The following PATL2 variants were observed in gnomAD, a reference collection of about 807,000 sequenced individuals.
PATL2 encodes protein PAT1 homolog 2.
Under a neutral mutation model 77.0 loss-of-function variants are expected in PATL2, and 73 were observed. The observed-to-expected ratio is 0.95, with a 90% confidence interval of 0.78 to 1.15. PATL2 has a LOEUF of 1.15. PATL2 is among the 50% of genes most tolerant of loss of function. PATL2 has a pLI of 0.00. For missense variants in PATL2, 618 were observed against 655.4 expected, an observed-to-expected ratio of 0.94 and a Z score of 0.62; for synonymous variants, 265 against 257.1, an observed-to-expected ratio of 1.03 and a Z score of -0.29.
In PATL2 at chr15:44,670,095, T is replaced by A; in HGVS notation, c.658-8A>T. On this transcript the variant is annotated splice_region_variant and splice_polypyrimidine_tract_variant and intron_variant, in intron 9 of 17. Transcript: ENST00000682850. ...TAGCTTCTGGTAATATTCCTGAGAA[T>A]GCACGGAATAGGAAACAAAAAAACA... is the stretch of plus-strand genomic sequence containing the variant. 1 of 1,551,430 alleles carries A rather than the reference T, an allele frequency of 6.4e-7. No homozygotes were observed. The highest frequency in any genetic ancestry group is 8.7e-7 in the Non-Finnish European group (1 of 1,146,948).
At chr15:44,699,048 G>C (rs1233665119) in intron 3 of PATL2, among the ~76,000 whole-genome samples, 1 of 152,138 alleles carries the variant, frequency 6.6e-6, no homozygotes, top group African/African-American at 2.4e-5. Flanking sequence ...GTCTTCTTTT[G>C]AGAAATGCCT....
Position 44,665,956 on chromosome 15 carries a change from G to A in PATL2, c.1629C>T (p.Tyr543=). The change falls in exon 18 of 18, where the codon TAC becomes TAT. Residue 543 remains tyrosine (Y), a synonymous_variant. Coordinates refer to ENST00000682850, the MANE Select transcript of PATL2 (RefSeq NM_001387263.1). ...LEARMEFAWI[Y] Reference sequence around the variant, plus strand: ...CACGTATTCCAGAACAAACAGATCAGTAAATCCAGGCAAACCTATAAAGAG... The same window carrying A: ...CACGTATTCCAGAACAAACAGATCAATAAATCCAGGCAAACCTATAAAGAG... 6.5e-7 allele frequency: 1 copy of A among 1,544,688 alleles called. No individual in the cohort carries two copies. The highest frequency in any genetic ancestry group is 8.7e-7 in the Non-Finnish European group (1 of 1,145,198).
chr15:44,669,964 T>TA lies in PATL2; in HGVS notation c.778+2dup. 1 of 1,549,266 alleles carries TA rather than the reference T, an allele frequency of 6.5e-7. No individual in the cohort carries two copies. The highest frequency in any genetic ancestry group is 1.7e-4 in the Middle Eastern group (1 of 5,976). ...CAAGTCAGCAGGTCAGCCCTGACCC[T>TA]ACCGGACTCATAAGCCTCTGCCTTC... is the stretch of plus-strand genomic sequence containing the variant. On this transcript the variant is annotated splice_region_variant and intron_variant, in intron 10 of 17. Transcript: ENST00000682850.
chr15:44,702,797 C>T (rs1179500595), intron 3 of PATL2, among the ~76,000 whole-genome samples: 1 of 152,022 alleles, frequency 6.6e-6, no homozygotes, highest in African/African-American at 2.4e-5. Context: ...TGTATGGTTT[C>T]AAACATTCCT....
At chr15:44,696,976 T>G (rs2086517291) in intron 3 of PATL2, among the ~76,000 whole-genome samples, 1 of 152,226 alleles carries the variant, frequency 6.6e-6, no homozygotes, top group Non-Finnish European at 1.5e-5. Context: ...CTGAATTTAA[T>G]AGAATTAACA....
rs8026532 is a variant in PATL2 at position 44,704,846 on chromosome 15, C to T, written c.-76+5250G>A. 8.3e-3 allele frequency among the ~76,000 whole-genome samples: 1,264 copies of T among 152,236 alleles called. 20 individuals carry two copies. The highest frequency in any genetic ancestry group is 0.029 in the African/African-American group (1,205 of 41,532). ...TGTTTGTCTAGGAAAGTCTTTATTT[C>T]TCCTTCATATTTTCAAGGATATTTA... is the stretch of plus-strand genomic sequence containing the variant. On this transcript the variant is annotated intron_variant, in intron 3 of 17. Transcript: ENST00000682850.
rs759465665 is a variant in PATL2 at position 44,674,543 on chromosome 15, G to A, written c.223-313C>T. The A allele has an allele frequency of 4.2e-4, 74 of 175,748 alleles. 1 individual carries two copies. Among genetic ancestry groups the A allele is most frequent in the Non-Finnish European group, 1.4e-4 (12 of 84,180 alleles). 10.9% of individuals were successfully genotyped at this position (175,748 alleles called of 1,614,324 possible). On this transcript the variant is annotated intron_variant, in intron 5 of 17. Transcript: ENST00000682850. ...TAGTGCTTTTTTCTTATATATACAT[G>A]CCTATGATAGTTTATATATATATTT...
At chr15:44,688,636 G>T (rs1341748792) in intron 3 of PATL2, among the ~76,000 whole-genome samples, 2 of 152,202 alleles carry the variant, frequency 1.3e-5, no homozygotes, top group Non-Finnish European at 2.9e-5. Flanking sequence ...AATGAATGGT[G>T]TTGGGAAGAC....
Position 44,710,859 on chromosome 15 carries a change from A to G in PATL2, c.-195+12T>C, listed in dbSNP as rs2141282876. On this transcript the variant is annotated intron_variant, in intron 2 of 17. Transcript: ENST00000682850. Reference sequence around the variant, plus strand: ...CCGCCCCCCGACAAATCAACAGAACAAAGAAAATTACCTAAACAGCAAGGA... The same window carrying G: ...CCGCCCCCCGACAAATCAACAGAACGAAGAAAATTACCTAAACAGCAAGGA... Among the ~76,000 whole-genome samples, 1 of 147,016 alleles carries G rather than the reference A, an allele frequency of 6.8e-6. No homozygotes were observed. The highest frequency in any genetic ancestry group is 1.5e-5 in the Non-Finnish European group (1 of 66,922).
intron 5 of PATL2, 175 bp from the exon 6 acceptor site, chr15:44,674,405 C>T (rs1459474854): frequency 3.4e-5 from 20 of 596,054 alleles, no homozygotes; most frequent in Non-Finnish European, 6.0e-5. Flanking sequence ...GGATCCCTCT[C>T]CCTCTCCTGG....
intron 3 of PATL2, among the ~76,000 whole-genome samples, chr15:44,677,575 C>T (rs942738392): frequency 1.3e-5 from 2 of 152,204 alleles, no homozygotes; most frequent in Admixed American, 6.5e-5. Flanking sequence ...CCTCCCAAGT[C>T]TCATCTAACC....
Position 44,673,367 on chromosome 15 carries a change from T to C in PATL2, c.314A>G (p.Tyr105Cys), listed in dbSNP as rs2085787336. ...SLHFLWQTLD[Y>C]LSPIPFWPTF... ...AGGCCAGAAAGGGATGGGCGACAGG[T>C]AGTCCAAGGTCTGAGAGAGGAATTA... The change falls in exon 7 of 18, where the codon TAC becomes TGC. Residue 105 changes from tyrosine to cysteine, a missense_variant. Physicochemically the swap from Tyr to Cys is radical, Grantham distance 194. Transcript: ENST00000682850. The C allele has an allele frequency of 1.2e-5, 18 of 1,551,650 alleles. No individual in the cohort carries two copies. Among genetic ancestry groups the C allele is most frequent in the Non-Finnish European group, 1.6e-5 (18 of 1,146,964 alleles).
Position 44,672,120 on chromosome 15 carries a change from G to A in PATL2, c.552C>T (p.Asp184=), listed in dbSNP as rs185242322. 1.3e-5 allele frequency: 20 copies of A among 1,551,724 alleles called. No individual in the cohort carries two copies. The African/African-American group carries it at 2.7e-4, about 21-fold the overall frequency. ...TTCTGGTCATGAGGTTAGCATAGGG[G>A]TCTGGCTGCTGAGACCAAGGCTTCT... The part of the protein sequence containing the change: ...PAKKPWSQQP[D]PYANLMTRKE... Residue 184 remains aspartate (D), a synonymous_variant, in exon 9 of 18, where the codon GAC becomes GAT. Coordinates refer to ENST00000682850, the MANE Select transcript of PATL2 (RefSeq NM_001387263.1).
intron 15 of PATL2, among the ~76,000 whole-genome samples, chr15:44,667,757 A>G (rs1242993339): frequency 1.3e-5 from 2 of 152,262 alleles, no homozygotes; most frequent in East Asian, 1.9e-4. Flanking sequence ...AGCCTGGCCA[A>G]CATGGTGAAA....
chr15:44,670,056 G>C lies in PATL2; in HGVS notation c.689C>G (p.Ala230Gly), dbSNP rs1257305192. 5 of 1,551,392 alleles carry C rather than the reference G, an allele frequency of 3.2e-6. No individual in the cohort carries two copies. The African/African-American group carries it at 6.8e-5, about 21-fold the overall frequency. The change falls in exon 10 of 18, where the codon GCA becomes GGA. Residue 230 changes from alanine to glycine, a missense_variant. Physicochemically the swap from Ala to Gly is moderately conservative, Grantham distance 60. Coordinates refer to ENST00000682850, the MANE Select transcript of PATL2 (RefSeq NM_001387263.1). ...TCTTCGTCCAAGTAGCTCTTCGTCTGCCTGCTTCTTCTCTAGCTTCTGGTA... is the reference window on the plus strand; with the variant it reads ...TCTTCGTCCAAGTAGCTCTTCGTCTCCCTGCTTCTTCTCTAGCTTCTGGTA... ...EYYQKLEKKQ[A>G]DEELLGRRNR...
At chr15:44,672,202 A>G (rs988620591) in intron 8 of PATL2, 46 bp from the exon 9 acceptor site, 21 of 1,551,354 alleles carry the variant, frequency 1.4e-5, no homozygotes, top group South Asian at 2.4e-5. Flanking sequence ...CACCACTGGC[A>G]CTTCCTAAGG....
At chr15:44,673,631 G>GGCTT (rs1416460997) in intron 6 of PATL2, among the ~76,000 whole-genome samples, 2 of 152,126 alleles carry the variant, frequency 1.3e-5, no homozygotes, top group African/African-American at 4.8e-5. Context: ...CCTACCATTT[G>GGCTT]GAAAGTCAAC....
At chr15:44,668,291 T>C (rs953049741) in intron 15 of PATL2, 51 bp downstream of exon 15, 7 of 1,528,144 alleles carry the variant, frequency 4.6e-6, no homozygotes, top group African/African-American at 1.4e-5. Flanking sequence ...CCCTTATCAG[T>C]GATACCAACC....
intron 3 of PATL2, among the ~76,000 whole-genome samples, chr15:44,698,280 A>G (rs1286151427): frequency 2.6e-5 from 4 of 151,994 alleles, no homozygotes; most frequent in Non-Finnish European, 5.9e-5. Context: ...AGTTATTTTT[A>G]CTATACAATA....
Sources: gnomAD v4.1 joint callset for allele counts (sites outside exome capture counted in the v4.1 genomes callset) on GRCh38, gnomAD v4.1.1 for gene constraint, MANE v1.5 for transcripts, NCBI Gene and HGNC (gene_info 2026-07-23, HGNC 2026-07-21) for gene names.